The following ZNF385B variants were observed in gnomAD, a reference collection of about 807,000 sequenced individuals.
ZNF385B encodes the protein zinc finger protein 385B.
In ZNF385B, 23 loss-of-function variants were observed where a neutral mutation model predicts 39.2. That is an observed-to-expected ratio of 0.59 (90% confidence interval 0.42 to 0.83). ZNF385B has a LOEUF of 0.83. Among genes scored for constraint, ZNF385B ranks in the 40% least tolerant of loss-of-function variants. ZNF385B has a pLI of 0.00. For missense variants in ZNF385B, 552 were observed against 598.9 expected, an observed-to-expected ratio of 0.92 and a Z score of 0.82; for synonymous variants, 205 against 222.6, an observed-to-expected ratio of 0.92 and a Z score of 0.70.
At chr2:179,482,424 T>C (rs867679661) in intron 6 of ZNF385B, among the ~76,000 whole-genome samples, 8 of 152,322 alleles carry the variant, frequency 5.3e-5, no homozygotes, top group Middle Eastern at 6.8e-3. Context: ...TGAAACAAGA[T>C]GACATATCCG....
At chr2:179,741,539 G>C (rs1368626862) in intron 3 of ZNF385B, among the ~76,000 whole-genome samples, 1 of 152,086 alleles carries the variant, frequency 6.6e-6, no homozygotes, top group Non-Finnish European at 1.5e-5. Flanking sequence ...GTAACATTCA[G>C]ATCCAGGATA....
At chr2:179,644,601 A>C (rs1020163918) in intron 3 of ZNF385B, among the ~76,000 whole-genome samples, 13 of 152,306 alleles carry the variant, frequency 8.5e-5, no homozygotes, top group African/African-American at 2.9e-4. Flanking sequence ...CTCATTGTGA[A>C]AGTTCAAATC....
At position 179,724,905 on chromosome 2, in the gene ZNF385B, A is replaced by G. The variant is rs148877653; in HGVS notation, c.298+44598T>C. Among the ~76,000 whole-genome samples, 1,138 of 152,280 alleles carry G rather than the reference A, an allele frequency of 7.5e-3. 15 individuals carry two copies. Among genetic ancestry groups the G allele is most frequent in the African/African-American group, 0.026 (1,083 of 41,576 alleles). The stretch of plus-strand genomic sequence containing the variant: ...TGATTTTTATAGAAATTAATGTAAG[A>G]TTTTTATAATTTAAACCATTTTGCT... On this transcript the variant is annotated intron_variant, in intron 3 of 9. Coordinates refer to ENST00000410066, the MANE Select transcript of ZNF385B (RefSeq NM_152520.6).
intron 3 of ZNF385B, chr2:179,562,406 T>C: frequency 4.1e-6 from 4 of 985,414 alleles, no homozygotes; most frequent in Non-Finnish European, 4.8e-6. Flanking sequence ...TACCTTTGTT[T>C]TTAAGGTTAC....
chr2:179,804,150 C>T (rs868200272), intron 1 of ZNF385B, among the ~76,000 whole-genome samples: 1 of 152,162 alleles, frequency 6.6e-6, no homozygotes, highest in Admixed American at 6.5e-5. Context: ...CAAAGGGAAC[C>T]TTATTGTCAG....
At chr2:179,760,614 G>A (rs934365303) in intron 3 of ZNF385B, among the ~76,000 whole-genome samples, 7 of 152,118 alleles carry the variant, frequency 4.6e-5, no homozygotes, top group Non-Finnish European at 1.0e-4. Context: ...ACCCGTGAGT[G>A]CTATCTTTTT....
At chr2:179,769,217 C>T (rs1703871301) in intron 3 of ZNF385B, among the ~76,000 whole-genome samples, 1 of 152,112 alleles carries the variant, frequency 6.6e-6, no homozygotes, top group South Asian at 2.1e-4. Context: ...TTTCAAAATA[C>T]ATTCAGAAGT....
chr2:179,767,082 AAC>A (rs1703745051), intron 3 of ZNF385B, among the ~76,000 whole-genome samples: 2 of 152,196 alleles, frequency 1.3e-5, no homozygotes, highest in Non-Finnish European at 2.9e-5. Context: ...TGCCAGGACT[AAC>A]ACAGTGTGGA....
At chr2:179,749,337 C>A (rs1483781883) in intron 3 of ZNF385B, among the ~76,000 whole-genome samples, 1 of 152,140 alleles carries the variant, frequency 6.6e-6, no homozygotes, top group Non-Finnish European at 1.5e-5. Flanking sequence ...TGCCAGCACA[C>A]TCTGCCCATT....
chr2:179,802,205 G>A (rs1488857170), intron 1 of ZNF385B, among the ~76,000 whole-genome samples: 2 of 152,014 alleles, frequency 1.3e-5, no homozygotes, highest in Non-Finnish European at 2.9e-5. Context: ...AATATGTACT[G>A]CTTATTCCAA....
intron 1 of ZNF385B, among the ~76,000 whole-genome samples, chr2:179,806,520 G>A (rs1038025314): frequency 9.2e-5 from 14 of 152,118 alleles, no homozygotes; most frequent in Non-Finnish European, 1.6e-4. Flanking sequence ...GATTAGAGCC[G>A]TTAACCTTTC....
chr2:179,761,253 G>C (rs2106487806), intron 3 of ZNF385B, among the ~76,000 whole-genome samples: 1 of 152,200 alleles, frequency 6.6e-6, no homozygotes, highest in Middle Eastern at 3.4e-3. Flanking sequence ...ATAAATGTTA[G>C]CATAATCTTG....
At chr2:179,839,210 T>G (rs1485903296) in intron 1 of ZNF385B, among the ~76,000 whole-genome samples, 1 of 152,176 alleles carries the variant, frequency 6.6e-6, no homozygotes, top group African/African-American at 2.4e-5. Context: ...CTACAAAAGC[T>G]GTAGCCAGTG....
chr2:179,599,703 T>C lies in ZNF385B; in HGVS notation c.299-54734A>G, dbSNP rs752583247. On this transcript the variant is annotated intron_variant, in intron 3 of 9. Coordinates refer to ENST00000410066, the MANE Select transcript of ZNF385B (RefSeq NM_152520.6). ...GCATTCCTTAAAACACCAACAAGGATACCAGTACTAACTAGATCAAACAAG... is the reference window on the plus strand; with the variant it reads ...GCATTCCTTAAAACACCAACAAGGACACCAGTACTAACTAGATCAAACAAG... Among the ~76,000 whole-genome samples the C allele has an allele frequency of 2.8e-4, 42 of 152,104 alleles. 1 individual carries two copies. Among genetic ancestry groups the C allele is most frequent in the Non-Finnish European group, 4.4e-5 (3 of 68,018 alleles).
intron 3 of ZNF385B, among the ~76,000 whole-genome samples, chr2:179,557,540 GTATATAA>G: frequency 3.3e-5 from 4 of 120,112 alleles, no homozygotes; most frequent in African/African-American, 6.0e-5. Context: ...TTATATACAT[GTATATAA>G]CATATATACA....
At chr2:179,696,326 C>CATTTTTTTT (rs1698741710) in intron 3 of ZNF385B, among the ~76,000 whole-genome samples, 1 of 40,354 alleles carries the variant, frequency 2.5e-5, no homozygotes, top group Non-Finnish European at 4.1e-5. Flanking sequence ...CAAACTGGGA[C>CATTTTTTTT]TTTTTTTTTT....
At chr2:179,607,908 CTTTTTTTTT>C (rs71029822) in intron 3 of ZNF385B, among the ~76,000 whole-genome samples, 6 of 97,452 alleles carry the variant, frequency 6.2e-5, no homozygotes, top group African/African-American at 8.8e-5. Flanking sequence ...CTCAGAAACT[CTTTTTTTTT>C]TTTTTTTTTT....
intron 3 of ZNF385B, among the ~76,000 whole-genome samples, chr2:179,569,674 T>A (rs1308589439): frequency 6.6e-6 from 1 of 152,220 alleles, no homozygotes; most frequent in Non-Finnish European, 1.5e-5. Context: ...CACCTTACTA[T>A]ATAAGGTCTT....
intron 1 of ZNF385B, among the ~76,000 whole-genome samples, chr2:179,800,477 C>G (rs1705958393): frequency 1.3e-5 from 2 of 152,108 alleles, no homozygotes; most frequent in Non-Finnish European, 2.9e-5. Flanking sequence ...AAATGGATAT[C>G]TGCTTTAGGG....
Sources: gnomAD v4.1 joint callset for allele counts (sites outside exome capture counted in the v4.1 genomes callset) on GRCh38, gnomAD v4.1.1 for gene constraint, MANE v1.5 for transcripts, NCBI Gene and HGNC (gene_info 2026-07-23, HGNC 2026-07-21) for gene names.